The following HEMK2 variants were observed in gnomAD, a reference collection of about 807,000 sequenced individuals.
HEMK2 encodes the protein HemK methyltransferase 2, ETF1 glutamine and histone H4 lysine, also known as methyltransferase HEMK2.
At chr21:28,811,320 GAGGA>G in the HEMK2 span, among the ~76,000 whole-genome samples, 15 of 143,292 alleles carry the variant, frequency 1.0e-4, no homozygotes, top group South Asian at 4.5e-4. Flanking sequence ...GAGGGGAGGG[GAGGA>G]AGGAAGGAAG....
At chr21:28,835,685 T>C in the HEMK2 span, among the ~76,000 whole-genome samples, 1 of 152,038 alleles carries the variant, frequency 6.6e-6, no homozygotes, top group South Asian at 2.1e-4. Context: ...GTTATTAAGC[T>C]AATAAGGGAG....
At chr21:28,689,038 G>T in the HEMK2 span, among the ~76,000 whole-genome samples, 2 of 152,262 alleles carry the variant, frequency 1.3e-5, no homozygotes, top group East Asian at 3.9e-4. Flanking sequence ...CTTGTACAGG[G>T]AGAGTCTGCC....
chr21:28,751,445 C>G, the HEMK2 span, among the ~76,000 whole-genome samples: 1 of 152,114 alleles, frequency 6.6e-6, no homozygotes, highest in African/African-American at 2.4e-5. Flanking sequence ...AGAATTTAAA[C>G]AGAGGAAGAT....
At chr21:28,879,635 C>G in the HEMK2 span, among the ~76,000 whole-genome samples, 5 of 151,902 alleles carry the variant, frequency 3.3e-5, no homozygotes, top group Non-Finnish European at 7.4e-5. Flanking sequence ...ATATAAATAC[C>G]ATGGCCTGAT....
the HEMK2 span, among the ~76,000 whole-genome samples, chr21:28,719,235 T>C: frequency 6.6e-6 from 1 of 152,220 alleles, no homozygotes; most frequent in South Asian, 2.1e-4. Flanking sequence ...GCTCATTTTC[T>C]GGCTCTGTTT....
chr21:28,602,176 G>T, the HEMK2 span, among the ~76,000 whole-genome samples: 1 of 152,002 alleles, frequency 6.6e-6, no homozygotes, highest in South Asian at 2.1e-4. Flanking sequence ...GGCTTCGTTG[G>T]TTGTCTTTGA....
At chr21:28,743,279 G>A in the HEMK2 span, 1 of 152,116 alleles carries the variant, frequency 6.6e-6, no homozygotes, top group African/African-American at 2.4e-5. Flanking sequence ...TCCTAAAAGT[G>A]TTCCGTGTTT....
the HEMK2 span, chr21:28,882,210 C>A: frequency 6.2e-7 from 1 of 1,606,360 alleles, no homozygotes; most frequent in South Asian, 1.1e-5. Flanking sequence ...CGTGCTGTCT[C>A]TAGGGTACAA....
chr21:28,732,788 A>G, the HEMK2 span, among the ~76,000 whole-genome samples: 3 of 152,202 alleles, frequency 2.0e-5, no homozygotes, highest in African/African-American at 7.2e-5. Flanking sequence ...TGTCTGAACA[A>G]GAAAAACCTT....
At chr21:28,802,554 C>A in the HEMK2 span, among the ~76,000 whole-genome samples, 1 of 151,912 alleles carries the variant, frequency 6.6e-6, no homozygotes, top group African/African-American at 2.4e-5. Flanking sequence ...ATAGTGAAAC[C>A]CCGTCTCTAC....
the HEMK2 span, among the ~76,000 whole-genome samples, chr21:28,838,516 A>T: frequency 2.0e-5 from 3 of 151,082 alleles, no homozygotes; most frequent in Non-Finnish European, 4.4e-5. Flanking sequence ...CCTGGGCGAC[A>T]GAGTGAGACT....
At chr21:28,607,362 G>T in the HEMK2 span, among the ~76,000 whole-genome samples, 515 of 152,178 alleles carry the variant, frequency 3.4e-3, 2 homozygotes, top group African/African-American at 0.012. Flanking sequence ...AGTGAGCCAA[G>T]ATCGTGCCAC....
chr21:28,692,870 A>T, the HEMK2 span, among the ~76,000 whole-genome samples: 4 of 152,164 alleles, frequency 2.6e-5, no homozygotes, highest in Admixed American at 6.5e-5. Flanking sequence ...TGAAAACATT[A>T]TACTAAGTCA....
the HEMK2 span, among the ~76,000 whole-genome samples, chr21:28,806,973 T>C: frequency 4.1e-4 from 63 of 152,288 alleles, no homozygotes; most frequent in African/African-American, 1.3e-3. Context: ...GAAACAAATA[T>C]AGAGCCCTTG....
the HEMK2 span, among the ~76,000 whole-genome samples, chr21:28,587,329 T>A: frequency 6.6e-6 from 1 of 152,194 alleles, no homozygotes; most frequent in African/African-American, 2.4e-5. Context: ...TTTTTTATTA[T>A]CTTACTCTAA....
At chr21:28,724,736 T>C in the HEMK2 span, among the ~76,000 whole-genome samples, 1 of 151,390 alleles carries the variant, frequency 6.6e-6, no homozygotes, top group African/African-American at 2.5e-5. Context: ...TTCTGGCTTT[T>C]GACAGATCAG....
chr21:28,659,738 A>T, the HEMK2 span, among the ~76,000 whole-genome samples: 773 of 152,170 alleles, frequency 5.1e-3, 6 homozygotes, highest in Middle Eastern at 0.017. Flanking sequence ...AAATATCTCC[A>T]TATCAGATAA....
chr21:28,859,454 A>G, the HEMK2 span, among the ~76,000 whole-genome samples: 2 of 152,206 alleles, frequency 1.3e-5, no homozygotes, highest in Non-Finnish European at 2.9e-5. Context: ...CTTATCTTAA[A>G]TGTATCTACT....
At chr21:28,799,518 T>C in the HEMK2 span, among the ~76,000 whole-genome samples, 1 of 152,074 alleles carries the variant, frequency 6.6e-6, no homozygotes, top group Non-Finnish European at 1.5e-5. Context: ...CCAGAGTGAG[T>C]CTGCATTCAT....
Sources: gnomAD v4.1 joint callset for allele counts (sites outside exome capture counted in the v4.1 genomes callset) on GRCh38, gnomAD v4.1.1 for gene constraint, MANE v1.5 for transcripts, NCBI Gene and HGNC (gene_info 2026-07-23, HGNC 2026-07-21) for gene names.